Variants in PHF8 observed in about 807,000 individuals in gnomAD.
PHF8 encodes histone lysine demethylase PHF8.
A neutral mutation model predicts 74.4 loss-of-function variants in PHF8; 9 were observed. The ratio of observed to expected loss-of-function variants is 0.12; its 90% CI spans 0.07 to 0.21. The LOEUF (loss-of-function observed/expected upper bound fraction) is 0.21, where lower values mean the gene tolerates loss of function less well. Ranked by LOEUF, PHF8 falls within the 10% of genes least tolerant of loss-of-function variation. The pLI, the probability that PHF8 is intolerant of heterozygous loss-of-function variation, is 1.00. For missense variants in PHF8, 478 were observed against 816.6 expected (o/e 0.59, Z 5.05); for synonymous variants, 311 against 316.6 (o/e 0.98, Z 0.19).
intron 18 of PHF8, among the ~76,000 whole-genome samples, chrX:53,965,167 A>G (rs1479870489): frequency 8.0e-5 from 9 of 111,828 alleles, no homozygotes; most frequent in African/African-American, 2.9e-4. Context: ...GCACGTGTGC[A>G]CACACACACA....
intron 8 of PHF8, among the ~76,000 whole-genome samples, chrX:54,006,095 T>C (rs2065894160): frequency 8.9e-6 from 1 of 111,926 alleles, no homozygotes; most frequent in Admixed American, 9.5e-5. Context: ...TCATAATCAA[T>C]GTATGAAGAG....
intron 19 of PHF8, among the ~76,000 whole-genome samples, chrX:53,960,780 C>T (rs782066435): frequency 9.2e-4 from 101 of 109,298 alleles, no homozygotes; most frequent in Middle Eastern, 4.6e-3. Flanking sequence ...AAAAATTGTA[C>T]ACACATGTGA....
chrX:54,035,379 A>C (rs2066434898), intron 2 of PHF8, among the ~76,000 whole-genome samples: 1 of 110,047 alleles, frequency 9.1e-6, no homozygotes, highest in Admixed American at 9.7e-5. Context: ...GAAAAAGAAA[A>C]GTAAAGTTTC....
At chrX:54,010,085 G>C (rs1028649303) in intron 8 of PHF8, among the ~76,000 whole-genome samples, 1 of 109,514 alleles carries the variant, frequency 9.1e-6, no homozygotes, top group Admixed American at 9.8e-5. Context: ...AGACTGAGGC[G>C]GGTGGATCAC....
In PHF8 at chrX:53,992,834, G is replaced by A; in HGVS notation, c.1632C>T (p.Asn544=). 1.7e-6 allele frequency: 2 copies of A among 1,173,304 alleles called. No individual in the cohort carries two copies. The highest frequency in any genetic ancestry group is 2.3e-6 in the Non-Finnish European group (2 of 861,618). Residue 544 remains asparagine (N), a synonymous_variant, in exon 14 of 22, where the codon AAC becomes AAT. Transcript: ENST00000338154. ...AGTCATTCAAGCAGGCACCAGTGATGTTGAACTGTAGAAGTAGGAGACTCA... is the reference window on the plus strand; with the variant it reads ...AGTCATTCAAGCAGGCACCAGTGATATTGAACTGTAGAAGTAGGAGACTCA... ...KTGSFQKAKF[N]ITGACLNDSD...
At chrX:53,957,858 G>A (rs1188833002) in intron 19 of PHF8, among the ~76,000 whole-genome samples, 1 of 111,195 alleles carries the variant, frequency 9.0e-6, no homozygotes, top group Non-Finnish European at 1.9e-5. Context: ...AGGTGAAGTA[G>A]CCATCTTGTG....
intron 18 of PHF8, among the ~76,000 whole-genome samples, chrX:53,979,374 T>A (rs1265793004): frequency 1.6e-4 from 18 of 111,269 alleles, no homozygotes; most frequent in Non-Finnish European, 3.4e-4. Context: ...AGAGCGAGAC[T>A]CTGTCTCAAA....
At chrX:53,961,121 C>T (rs1681096019) in intron 19 of PHF8, among the ~76,000 whole-genome samples, 1 of 107,561 alleles carries the variant, frequency 9.3e-6, no homozygotes, top group African/African-American at 3.4e-5. Context: ...TTCCGAGGTT[C>T]AAGCAATTCT....
chrX:54,014,566 A>G lies in PHF8; in HGVS notation c.597-3T>C, dbSNP rs372911082. The G allele has an allele frequency of 1.7e-6, 2 of 1,187,483 alleles. No individual in the cohort carries two copies. The highest frequency in any genetic ancestry group is 1.1e-6 in the Non-Finnish European group (1 of 874,067). ...GTGTCTCCACAAGGTTAGAAAGTCT[A>G]CCAAGGAAGGGGTGGAGAGCAGATG... On this transcript the variant is annotated splice_region_variant and splice_polypyrimidine_tract_variant and intron_variant, in intron 6 of 21. Transcript: ENST00000338154.
chrX:53,982,117 G>A (rs1290308366), intron 18 of PHF8, among the ~76,000 whole-genome samples: 4 of 112,261 alleles, frequency 3.6e-5, no homozygotes, highest in Admixed American at 9.4e-5. Flanking sequence ...TAAGAGGAGC[G>A]GTTAAATCAA....
At chrX:53,965,531 C>T (rs1258410756) in intron 18 of PHF8, among the ~76,000 whole-genome samples, 3 of 112,094 alleles carry the variant, frequency 2.7e-5, no homozygotes, top group African/African-American at 9.7e-5. Flanking sequence ...CCTAGCTACT[C>T]GGGAGGCTGA....
At chrX:54,047,986 C>T (rs782570485), upstream of PHF8, among the ~76,000 whole-genome samples, 120 of 110,807 alleles carry the variant, frequency 1.1e-3, no homozygotes, top group African/African-American at 3.8e-3. Flanking sequence ...TCAAGAGATC[C>T]AGACCATCCT....
At chrX:53,952,629 A>G (rs1246669207) in intron 19 of PHF8, among the ~76,000 whole-genome samples, 1 of 111,610 alleles carries the variant, frequency 9.0e-6, no homozygotes, top group Non-Finnish European at 1.9e-5. Context: ...CACGCCTGTA[A>G]TCCCAGCACT....
intron 8 of PHF8, among the ~76,000 whole-genome samples, chrX:54,008,867 G>A (rs1469204181): frequency 9.0e-6 from 1 of 110,728 alleles, no homozygotes; most frequent in Non-Finnish European, 1.9e-5. Flanking sequence ...ATGAGTATAG[G>A]GTTTTTTTAA....
intron 2 of PHF8, among the ~76,000 whole-genome samples, chrX:54,023,944 G>A (rs2066222203): frequency 1.8e-5 from 2 of 109,139 alleles, no homozygotes; most frequent in African/African-American, 3.3e-5. Flanking sequence ...TTTCAGCCAA[G>A]ATCATGCTCA....
rs148356929 is a variant in PHF8, at chrX:53,987,156, G to C, written c.1917C>G (p.Pro639=). 26 of 1,176,550 alleles carry C rather than the reference G, an allele frequency of 2.2e-5. No homozygotes were observed. The highest frequency in any genetic ancestry group is 2.9e-5 in the Non-Finnish European group (25 of 863,886). The change falls in exon 16 of 22, where the codon CCC becomes CCG. Residue 639 remains proline, a synonymous_variant. Coordinates refer to ENST00000338154, the MANE Select transcript of PHF8 (RefSeq NM_015107.3). ...AAGGCTTCGCACGGGGCAATTTCCG[G>C]GGAAATTCTAGAAAACAATGGAATG... is the stretch of plus-strand genomic sequence containing the variant. ...KATLIIRPKF[P]RKLPRAKPCS...
intron 18 of PHF8, among the ~76,000 whole-genome samples, chrX:53,965,500 G>A (rs1462983043): frequency 3.6e-5 from 4 of 112,626 alleles, no homozygotes; most frequent in East Asian, 2.8e-4. Context: ...TTAGCCACGC[G>A]TGGTAGCACA....
intron 2 of PHF8, among the ~76,000 whole-genome samples, chrX:54,030,615 AG>A (rs2066339908): frequency 8.9e-6 from 1 of 112,415 alleles, no homozygotes; most frequent in African/African-American, 3.2e-5. Context: ...GCAAGGTAAC[AG>A]GATAGTGAGT....
At chrX:53,966,993 T>C (rs1233334611) in intron 18 of PHF8, among the ~76,000 whole-genome samples, 1 of 103,675 alleles carries the variant, frequency 9.6e-6, no homozygotes, top group African/African-American at 3.5e-5. Context: ...ACCCTCCGCC[T>C]GGCAACCGCC....
Sources: allele counts gnomAD v4.1 joint callset (sites outside exome capture counted in the v4.1 genomes callset), GRCh38; gene constraint gnomAD v4.1.1; transcripts MANE v1.5; gene names NCBI Gene and HGNC (gene_info 2026-07-23, HGNC 2026-07-21).